Variants in RERE observed in about 807,000 individuals in gnomAD.
RERE encodes arginine-glutamic acid dipeptide repeats.
Under a neutral mutation model 146.1 loss-of-function variants are expected in RERE, and 40 were observed. That is an observed-to-expected ratio of 0.27 (90% CI 0.21 to 0.36). The LOEUF (loss-of-function observed/expected upper bound fraction) is 0.36. Ranked by LOEUF, RERE falls within the 10% of genes least tolerant of loss-of-function variation. The pLI is 1.00. For missense variants in RERE, 1,933 were observed against 2,138.7 expected, an observed-to-expected ratio of 0.90 and a Z score of 1.90; for synonymous variants, 1,003 against 866.0, an observed-to-expected ratio of 1.16 and a Z score of -2.78.
chr1:8,575,848 A>T (rs1415687976), intron 4 of RERE, among the ~76,000 whole-genome samples: 1 of 152,252 alleles, frequency 6.6e-6, no homozygotes, highest in East Asian at 1.9e-4. Context: ...AAGAAATACG[A>T]TACAAATGAA....
intron 1 of RERE, among the ~76,000 whole-genome samples, chr1:8,703,427 A>T (rs1480444753): frequency 1.3e-5 from 2 of 151,562 alleles, no homozygotes; most frequent in Non-Finnish European, 2.9e-5. Context: ...GGAGAGAAAG[A>T]GCAGACTCCC....
In RERE at chr1:8,738,218, C is replaced by T. The variant is rs75485412; in HGVS notation, c.-145+78942G>A. On this transcript the variant is annotated intron_variant, in intron 1 of 22. Coordinates refer to ENST00000400908, the MANE Select transcript of RERE (RefSeq NM_001042681.2). ...CTGAGCCTTTACCTCCTCTGTGGCC[C>T]CTGATCAGAATCCCCAAGGCAGAAG... 6.7e-3 allele frequency among the ~76,000 whole-genome samples: 1,018 copies of T among 152,266 alleles called. 7 individuals carry two copies. Among genetic ancestry groups the T allele is most frequent in the Middle Eastern group, 0.02 (6 of 294 alleles).
chr1:8,780,969 C>T (rs967699022), intron 1 of RERE, among the ~76,000 whole-genome samples: 2 of 151,974 alleles, frequency 1.3e-5, no homozygotes, highest in African/African-American at 4.8e-5. Context: ...TGTCTGTAAT[C>T]GCAGCACTCT....
At chr1:8,690,366 G>A (rs1323192519) in intron 1 of RERE, among the ~76,000 whole-genome samples, 14 of 152,148 alleles carry the variant, frequency 9.2e-5, no homozygotes, top group Non-Finnish European at 1.6e-4. Flanking sequence ...GCCTTCCAAA[G>A]GCTCCACCTC....
intron 12 of RERE, among the ~76,000 whole-genome samples, chr1:8,391,125 G>A (rs1239967621): frequency 6.6e-6 from 1 of 152,000 alleles, no homozygotes; most frequent in Non-Finnish European, 1.5e-5. Context: ...CAGGAAAACT[G>A]ATGTTACTTC....
chr1:8,482,953 G>A (rs1463897470), intron 10 of RERE, among the ~76,000 whole-genome samples: 4 of 152,152 alleles, frequency 2.6e-5, no homozygotes, highest in Non-Finnish European at 4.4e-5. Context: ...CCTCAACTGC[G>A]TGATCTTTTT....
At chr1:8,522,077 A>G (rs1645509190) in intron 7 of RERE, among the ~76,000 whole-genome samples, 1 of 152,274 alleles carries the variant, frequency 6.6e-6, no homozygotes, top group South Asian at 2.1e-4. Flanking sequence ...TTTTAAAAGT[A>G]CATTCAAGCA....
At chr1:8,587,228 T>C (rs1217452679) in intron 4 of RERE, among the ~76,000 whole-genome samples, 1 of 152,182 alleles carries the variant, frequency 6.6e-6, no homozygotes, top group Non-Finnish European at 1.5e-5. Flanking sequence ...GAGACTTGGG[T>C]TCGAAATCTG....
intron 1 of RERE, among the ~76,000 whole-genome samples, chr1:8,804,854 C>T (rs1402009357): frequency 4.6e-5 from 7 of 152,130 alleles, no homozygotes; most frequent in Non-Finnish European, 4.4e-5. Context: ...AGAAAGGAAA[C>T]TTCTATCTTG....
intron 7 of RERE, 113 bp from the exon 8 acceptor site, chr1:8,508,788 G>T: frequency 1.2e-6 from 1 of 810,300 alleles, no homozygotes; most frequent in Admixed American, 2.2e-5. Context: ...AACTGAGGAA[G>T]AATTAACGTC....
intron 12 of RERE, among the ~76,000 whole-genome samples, chr1:8,406,037 C>T (rs527962694): frequency 2.2e-4 from 34 of 152,218 alleles, no homozygotes; most frequent in African/African-American, 4.8e-4. Context: ...CAAAGCCAAA[C>T]TTAAATGTAC....
intron 4 of RERE, among the ~76,000 whole-genome samples, chr1:8,588,313 T>G (rs1393872808): frequency 6.6e-6 from 1 of 152,224 alleles, no homozygotes; most frequent in African/African-American, 2.4e-5. Flanking sequence ...TTTAACATAT[T>G]CTAGCAGGCC....
intron 11 of RERE, among the ~76,000 whole-genome samples, chr1:8,456,954 G>A (rs1456634289): frequency 6.6e-6 from 1 of 152,158 alleles, no homozygotes; most frequent in Non-Finnish European, 1.5e-5. Context: ...CACTTAGCAA[G>A]ACTGTTTTAA....
At chr1:8,704,014 T>C (rs952064194) in intron 1 of RERE, among the ~76,000 whole-genome samples, 1 of 152,336 alleles carries the variant, frequency 6.6e-6, no homozygotes, top group African/African-American at 2.4e-5. Flanking sequence ...TTGTGCATGA[T>C]TGAAATTCAT....
chr1:8,603,127 A>AT (rs1163341569), intron 4 of RERE, among the ~76,000 whole-genome samples: 1 of 152,248 alleles, frequency 6.6e-6, no homozygotes, highest in East Asian at 1.9e-4. Context: ...ATACCTTAAT[A>AT]TTTTTAACAT....
intron 2 of RERE, among the ~76,000 whole-genome samples, chr1:8,628,461 G>A (rs748458568): frequency 3.9e-5 from 6 of 152,050 alleles, no homozygotes; most frequent in Non-Finnish European, 7.4e-5. Flanking sequence ...AAAGCATGAC[G>A]AACTATTGTA....
At chr1:8,644,717 A>G (rs1647243899) in intron 2 of RERE, among the ~76,000 whole-genome samples, 1 of 152,080 alleles carries the variant, frequency 6.6e-6, no homozygotes, top group African/African-American at 2.4e-5. Context: ...GCTAGCCTCA[A>G]ACTTCTGGGC....
intron 10 of RERE, among the ~76,000 whole-genome samples, chr1:8,475,401 G>T (rs2124162173): frequency 6.7e-6 from 1 of 148,152 alleles, no homozygotes; most frequent in African/African-American, 2.5e-5. Flanking sequence ...TTCTTGGCTG[G>T]GCGTGGTGGC....
At chr1:8,490,035 C>T (rs1442415347) in intron 10 of RERE, among the ~76,000 whole-genome samples, 1 of 136,996 alleles carries the variant, frequency 7.3e-6, no homozygotes, top group African/African-American at 2.8e-5. Context: ...GCCTGGGCGA[C>T]AGAGCGAGAC....
Sources: gnomAD v4.1 joint callset for allele counts (sites outside exome capture counted in the v4.1 genomes callset) on GRCh38, gnomAD v4.1.1 for gene constraint, MANE v1.5 for transcripts, NCBI Gene and HGNC (gene_info 2026-07-23, HGNC 2026-07-21) for gene names.